CDHR3: variants seen among roughly 807,000 people sequenced by gnomAD.
CDHR3 encodes the protein cadherin-related family member 3.
CDHR3 carries 79 observed loss-of-function variants against 86.6 expected under a neutral mutation model. The observed-to-expected ratio is 0.91, with a 90% CI of 0.76 to 1.10. The LOEUF (loss-of-function observed/expected upper bound fraction) is 1.10. Ranked by LOEUF, CDHR3 falls within the 50% of genes least tolerant of loss-of-function variation. The pLI is 0.00. For synonymous variants in CDHR3, 421 were observed against 402.4 expected (o/e 1.05, Z -0.55); for missense variants, 1,081 against 1,077.6 (o/e 1.00, Z -0.04).
chr7:106,008,861 G>A (rs919948683), intron 8 of CDHR3, among the ~76,000 whole-genome samples: 1 of 152,146 alleles, frequency 6.6e-6, no homozygotes, highest in Non-Finnish European at 1.5e-5. Flanking sequence ...AAGAGGTAGG[G>A]GGTGAAGGTT....
At chr7:105,997,934 G>C (rs2115768328) in intron 6 of CDHR3, among the ~76,000 whole-genome samples, 1 of 151,552 alleles carries the variant, frequency 6.6e-6, no homozygotes, top group East Asian at 1.9e-4. Flanking sequence ...CATGATCTGT[G>C]TGACGGTCTT....
At chr7:106,007,745 CTTCTT>C (rs1415727979) in intron 8 of CDHR3, among the ~76,000 whole-genome samples, 1 of 152,218 alleles carries the variant, frequency 6.6e-6, no homozygotes, top group Non-Finnish European at 1.5e-5. Context: ...ATTTTCCTGT[CTTCTT>C]TTAAGCCCAC....
intron 4 of CDHR3, among the ~76,000 whole-genome samples, chr7:105,985,618 T>C (rs2115702296): frequency 6.6e-6 from 1 of 151,990 alleles, no homozygotes; most frequent in African/African-American, 2.4e-5. Context: ...CAACTTAAAG[T>C]AAGGGAATAG....
At chr7:105,986,105 C>T (rs950592557) in intron 4 of CDHR3, among the ~76,000 whole-genome samples, 34 of 152,266 alleles carry the variant, frequency 2.2e-4, no homozygotes, top group African/African-American at 7.2e-4. Flanking sequence ...GGGAGGGATA[C>T]AGGATAGAGC....
At chr7:105,996,892 A>G (rs1832331369) in intron 6 of CDHR3, among the ~76,000 whole-genome samples, 1 of 151,972 alleles carries the variant, frequency 6.6e-6, no homozygotes, top group African/African-American at 2.4e-5. Context: ...GGGAAGGGTA[A>G]ATGCATCGGG....
intron 3 of CDHR3, among the ~76,000 whole-genome samples, chr7:105,982,136 A>G (rs1330860774): frequency 2.6e-5 from 4 of 152,044 alleles, no homozygotes; most frequent in Non-Finnish European, 5.9e-5. Context: ...TTAAAACCCT[A>G]CAAGAAATTC....
rs1284834491 is a variant in CDHR3 at position 106,032,909 on chromosome 7, C to A, written c.*212C>A. 1.3e-5 allele frequency: 7 copies of A among 546,640 alleles called. No homozygotes were observed. Among genetic ancestry groups the A allele is most frequent in the Non-Finnish European group, 2.3e-5 (7 of 311,030 alleles). The allele number at this position is 546,640 out of a possible 1,614,324, so 33.9% of individuals were successfully genotyped here. A position where few individuals can be genotyped will look rare whatever the true frequency, so the allele number is the denominator to read the frequency against. ...TTCTGAAATGATACAGGAACATTTTCTATCAGATTTCAGAACTACCTGTGC... is the reference window on the plus strand; with the variant it reads ...TTCTGAAATGATACAGGAACATTTTATATCAGATTTCAGAACTACCTGTGC... On this transcript the variant is annotated 3_prime_UTR_variant, in exon 19 of 19. Coordinates refer to ENST00000317716, the MANE Select transcript of CDHR3 (RefSeq NM_152750.5).
chr7:106,012,777 G>A (rs1835014374), intron 8 of CDHR3, 83 bp from the exon 9 acceptor site: 1 of 1,400,552 alleles, frequency 7.1e-7, no homozygotes, highest in Admixed American at 2.3e-5. Context: ...TTAAAGTAGA[G>A]GTGTCTAGCC....
intron 1 of CDHR3, among the ~76,000 whole-genome samples, chr7:105,965,979 C>T (rs1016427809): frequency 7.2e-5 from 11 of 152,128 alleles, no homozygotes; most frequent in Non-Finnish European, 1.2e-4. Context: ...CATTTAAATT[C>T]ACTTCTGTCC....
At chr7:105,985,144 AG>A (rs1379159025) in intron 4 of CDHR3, among the ~76,000 whole-genome samples, 2 of 151,838 alleles carry the variant, frequency 1.3e-5, no homozygotes, top group Non-Finnish European at 2.9e-5. Flanking sequence ...CTCATGATTC[AG>A]TCTGAGACAG....
intron 3 of CDHR3, among the ~76,000 whole-genome samples, chr7:105,983,417 C>T (rs918726289): frequency 2.6e-5 from 4 of 152,134 alleles, no homozygotes; most frequent in Non-Finnish European, 5.9e-5. Flanking sequence ...GCACTAATTA[C>T]GCTAAAAGAA....
chr7:105,989,552 C>G (rs1263178114), intron 4 of CDHR3, among the ~76,000 whole-genome samples: 1 of 152,086 alleles, frequency 6.6e-6, no homozygotes, highest in African/African-American at 2.4e-5. Flanking sequence ...GGGAGCGCAG[C>G]AGGGGCCATC....
chr7:105,979,374 T>C (rs1829298890), intron 2 of CDHR3, among the ~76,000 whole-genome samples: 1 of 152,158 alleles, frequency 6.6e-6, no homozygotes. Context: ...ATACCTCTTT[T>C]TCCCCCCTCG....
chr7:106,007,679 C>G (rs983569182), intron 8 of CDHR3, among the ~76,000 whole-genome samples: 1 of 152,220 alleles, frequency 6.6e-6, no homozygotes, highest in African/African-American at 2.4e-5. Context: ...ATATCATGAA[C>G]AGCATTTTGG....
intron 1 of CDHR3, among the ~76,000 whole-genome samples, chr7:105,969,839 T>C (rs150304602): frequency 6.6e-6 from 1 of 152,282 alleles, no homozygotes; most frequent in East Asian, 1.9e-4. Context: ...ATAAGCATTG[T>C]CACTTGGGTC....
At chr7:106,002,661 C>G (rs1833380948) in intron 7 of CDHR3, among the ~76,000 whole-genome samples, 1 of 152,140 alleles carries the variant, frequency 6.6e-6, no homozygotes, top group Non-Finnish European at 1.5e-5. Context: ...TCCCTGAAGT[C>G]TTCTGAAGAG....
At chr7:106,002,296 C>G (rs1335264656) in intron 7 of CDHR3, among the ~76,000 whole-genome samples, 1 of 152,164 alleles carries the variant, frequency 6.6e-6, no homozygotes, top group Non-Finnish European at 1.5e-5. Flanking sequence ...CCAGAGCCTT[C>G]AGAAATGAAG....
At chr7:106,022,473 C>T in intron 14 of CDHR3, 25 bp downstream of exon 14, 1 of 1,607,468 alleles carries the variant, frequency 6.2e-7, no homozygotes, top group Non-Finnish European at 8.5e-7. Flanking sequence ...ACCTGGAATC[C>T]CCAGGCACAT....
At chr7:105,999,573 C>T (rs1832805492) in intron 6 of CDHR3, among the ~76,000 whole-genome samples, 1 of 152,142 alleles carries the variant, frequency 6.6e-6, no homozygotes, top group Admixed American at 6.5e-5. Context: ...CATGTTCAGA[C>T]ACCACCCCCG....
Sources: allele counts gnomAD v4.1 joint callset (sites outside exome capture counted in the v4.1 genomes callset), GRCh38; gene constraint gnomAD v4.1.1; transcripts MANE v1.5; gene names NCBI Gene and HGNC (gene_info 2026-07-23, HGNC 2026-07-21).